IMMP2L: variants seen among roughly 807,000 people sequenced by gnomAD.
IMMP2L encodes the protein mitochondrial inner membrane protease subunit 2.
A neutral mutation model predicts 19.3 loss-of-function variants in IMMP2L; 18 were observed. The ratio of observed to expected loss-of-function variants is 0.93; its 90% CI spans 0.64 to 1.38. The LOEUF is 1.38. Among genes scored for constraint, IMMP2L ranks in the 40% most tolerant of loss-of-function variants. The pLI is 0.00. For synonymous variants in IMMP2L, 76 were observed against 73.0 expected (o/e 1.04, Z -0.21); for missense variants, 233 against 218.2 (o/e 1.07, Z -0.43).
At chr7:111,129,152 A>AT (rs1354946232) in intron 3 of IMMP2L, among the ~76,000 whole-genome samples, 3 of 152,150 alleles carry the variant, frequency 2.0e-5, no homozygotes, top group African/African-American at 4.8e-5. Context: ...GTATGCATGT[A>AT]TTAAGGAGTG....
At chr7:110,672,359 T>C (rs1450927984) in intron 5 of IMMP2L, among the ~76,000 whole-genome samples, 1 of 152,124 alleles carries the variant, frequency 6.6e-6, no homozygotes, top group Non-Finnish European at 1.5e-5. Flanking sequence ...CCATGACATG[T>C]GGGGATTGTG....
intron 5 of IMMP2L, among the ~76,000 whole-genome samples, chr7:110,783,543 T>C (rs557944997): frequency 6.6e-6 from 1 of 151,966 alleles, no homozygotes; most frequent in African/African-American, 2.4e-5. Context: ...GTCTGATAAT[T>C]AGAACAAACA....
At chr7:111,335,277 A>G (rs1396428501) in intron 3 of IMMP2L, among the ~76,000 whole-genome samples, 2 of 152,260 alleles carry the variant, frequency 1.3e-5, no homozygotes, top group East Asian at 3.9e-4. Context: ...TTAAATAGTA[A>G]CAGATATGAG....
chr7:111,072,751 C>A (rs544923896), intron 3 of IMMP2L, among the ~76,000 whole-genome samples: 3 of 151,830 alleles, frequency 2.0e-5, no homozygotes, highest in Admixed American at 2.0e-4. Flanking sequence ...AAAAATCAGC[C>A]GGGCGAGGTG....
At chr7:111,370,492 T>C (rs1830168152) in intron 3 of IMMP2L, among the ~76,000 whole-genome samples, 1 of 152,018 alleles carries the variant, frequency 6.6e-6, no homozygotes, top group Non-Finnish European at 1.5e-5. Context: ...ATGGAAAAAC[T>C]TTTAAAATAC....
chr7:110,895,426 G>T (rs557868981), intron 4 of IMMP2L, among the ~76,000 whole-genome samples: 2 of 152,132 alleles, frequency 1.3e-5, no homozygotes, highest in African/African-American at 4.8e-5. Flanking sequence ...CATGATAATT[G>T]TGGCTTTATA....
chr7:111,387,909 GAGGTT>G (rs1831931540), intron 3 of IMMP2L, among the ~76,000 whole-genome samples: 1 of 143,910 alleles, frequency 6.9e-6, no homozygotes, highest in African/African-American at 2.6e-5. Context: ...CCAGGAGGCA[GAGGTT>G]GCAGTGAGCC....
intron 3 of IMMP2L, among the ~76,000 whole-genome samples, chr7:111,117,296 G>A (rs1800004216): frequency 6.6e-6 from 1 of 152,066 alleles, no homozygotes; most frequent in East Asian, 1.9e-4. Context: ...GTAAGTTTGG[G>A]ATGTGAAAGA....
rs558361933 is a variant in IMMP2L, at chr7:111,165,236, T to G, written c.240-201671A>C. 1.3e-4 allele frequency among the ~76,000 whole-genome samples: 20 copies of G among 152,176 alleles called. No homozygotes were observed. In the South Asian group the frequency reaches 4.1e-3, roughly 32 times the overall value. ...ATGGCCTGAGGGTCCATCTATACAG[T>G]AGCATATGTCCGAACTTTCTTCTTT... On this transcript the variant is annotated intron_variant, in intron 3 of 5. Coordinates refer to ENST00000405709, the MANE Select transcript of IMMP2L (RefSeq NM_032549.4).
chr7:110,713,649 GGT>G (rs555448846), intron 5 of IMMP2L, among the ~76,000 whole-genome samples: 6 of 50,832 alleles, frequency 1.2e-4, no homozygotes, highest in Non-Finnish European at 2.1e-4. Flanking sequence ...TGTATTTTTA[GGT>G]GTTTTTTTTT....
chr7:111,190,588 TGTCTGCCACACTTAG>T (rs1333530383), intron 3 of IMMP2L, among the ~76,000 whole-genome samples: 2 of 152,106 alleles, frequency 1.3e-5, no homozygotes, highest in South Asian at 4.1e-4. Flanking sequence ...TGAAAGTTGG[TGTCTGCCACACTTAG>T]GTCGAAATCC....
chr7:111,122,971 T>C (rs747217500), intron 3 of IMMP2L: 2 of 1,614,050 alleles, frequency 1.2e-6, no homozygotes, highest in Admixed American at 1.7e-5. Flanking sequence ...CCCAGCCAGA[T>C]TGCCAGCTAA....
chr7:111,034,847 A>C (rs28505381), intron 3 of IMMP2L, among the ~76,000 whole-genome samples: 108,007 of 151,916 alleles, frequency 0.71, 39,093 homozygotes, highest in African/African-American at 0.81. Context: ...CAGCACCAGA[A>C]ACTCGTTCCA....
At chr7:111,153,841 T>C (rs565809468) in intron 3 of IMMP2L, among the ~76,000 whole-genome samples, 2 of 152,228 alleles carry the variant, frequency 1.3e-5, no homozygotes, top group African/African-American at 4.8e-5. Flanking sequence ...GCATGAATTA[T>C]TGCCTTATTA....
At chr7:111,353,334 G>A (rs957423277) in intron 3 of IMMP2L, among the ~76,000 whole-genome samples, 4 of 152,136 alleles carry the variant, frequency 2.6e-5, no homozygotes, top group African/African-American at 9.7e-5. Flanking sequence ...CCTGAACCTT[G>A]TTTCAACTCC....
chr7:111,171,459 G>A (rs1806442934), intron 3 of IMMP2L, among the ~76,000 whole-genome samples: 1 of 151,552 alleles, frequency 6.6e-6, no homozygotes, highest in Non-Finnish European at 1.5e-5. Flanking sequence ...CCCAAAGAGA[G>A]AGAAAGAAGC....
chr7:111,383,507 G>A (rs117111479), intron 3 of IMMP2L, among the ~76,000 whole-genome samples: 148 of 152,198 alleles, frequency 9.7e-4, no homozygotes, highest in Non-Finnish European at 1.7e-3. Context: ...CCAGAAAACC[G>A]AGCTACGCCT....
At chr7:110,907,904 C>T (rs1186049470) in intron 4 of IMMP2L, among the ~76,000 whole-genome samples, 2 of 151,998 alleles carry the variant, frequency 1.3e-5, no homozygotes, top group Non-Finnish European at 1.5e-5. Flanking sequence ...TAGGATATTC[C>T]CAGGGTGAAC....
chr7:111,122,683 T>C (rs1800794741), intron 3 of IMMP2L: 1 of 1,006,702 alleles, frequency 9.9e-7, no homozygotes, highest in Non-Finnish European at 1.5e-6. Flanking sequence ...AATGCAAGCA[T>C]CTTCCTTATC....
Sources: gnomAD v4.1 joint callset for allele counts (sites outside exome capture counted in the v4.1 genomes callset) on GRCh38, gnomAD v4.1.1 for gene constraint, MANE v1.5 for transcripts, NCBI Gene and HGNC (gene_info 2026-07-23, HGNC 2026-07-21) for gene names.